Variants in MACROD1 observed in about 807,000 individuals in gnomAD.
MACROD1 encodes the protein mono-ADP ribosylhydrolase 1.
MACROD1 carries 31 observed loss-of-function variants against 41.4 expected under a neutral mutation model. The observed-to-expected ratio is 0.75, with a 90% confidence interval of 0.56 to 1.01. The LOEUF (loss-of-function observed/expected upper bound fraction) is 1.01, where lower values mean the gene tolerates loss of function less well. Ranked by LOEUF, MACROD1 falls within the 50% of genes least tolerant of loss-of-function variation. MACROD1 has a pLI of 0.00. For missense variants in MACROD1, 473 were observed against 460.0 expected, an observed-to-expected ratio of 1.03 and a Z score of -0.26; for synonymous variants, 252 against 203.4, an observed-to-expected ratio of 1.24 and a Z score of -2.03.
chr11:64,147,869 A>G (rs1446320479), intron 3 of MACROD1, among the ~76,000 whole-genome samples: 1 of 151,344 alleles, frequency 6.6e-6, no homozygotes, highest in Non-Finnish European at 1.5e-5. Flanking sequence ...CAGCCTCCTG[A>G]GTAGCTGGGA....
In MACROD1 at chr11:64,041,053, CTG is replaced by C. The variant is rs1056412119; in HGVS notation, c.518-25774_518-25773del. Among the ~76,000 whole-genome samples, 11 of 151,912 alleles carry C rather than the reference CTG, an allele frequency of 7.2e-5. 1 individual carries two copies. Among genetic ancestry groups the C allele is most frequent in the South Asian group, 2.1e-4 (1 of 4,816 alleles). On this transcript the variant is annotated intron_variant, in intron 3 of 10. Coordinates refer to ENST00000255681, the MANE Select transcript of MACROD1 (RefSeq NM_014067.4). ...TACTTAATTAAAACTGGGATTAAAA[CTG>C]GGGTCACGGGGCGCTAGTCCTGGCC...
chr11:64,164,690 T>C (rs1416989359), intron 1 of MACROD1, among the ~76,000 whole-genome samples: 1 of 152,200 alleles, frequency 6.6e-6, no homozygotes, highest in East Asian at 1.9e-4. Flanking sequence ...CCATCTTCTC[T>C]TCACCCCTAA....
intron 3 of MACROD1, among the ~76,000 whole-genome samples, chr11:64,112,035 C>T (rs953453184): frequency 6.6e-6 from 1 of 152,202 alleles, no homozygotes; most frequent in African/African-American, 2.4e-5. Context: ...ATCCAGACCC[C>T]ACCTCCTTCT....
chr11:64,030,110 C>T (rs1038827823), intron 3 of MACROD1, among the ~76,000 whole-genome samples: 4 of 151,996 alleles, frequency 2.6e-5, no homozygotes, highest in East Asian at 3.9e-4. Context: ...CCCTCTCTGG[C>T]GTCTGTCTCC....
chr11:64,117,520 G>A lies in MACROD1; in HGVS notation c.517+33719C>T, dbSNP rs769032516. 1.2e-6 allele frequency: 2 copies of A among 1,605,648 alleles called. No homozygotes were observed. The highest frequency in any genetic ancestry group is 1.7e-6 in the Non-Finnish European group (2 of 1,174,460). On this transcript the variant is annotated intron_variant, in intron 3 of 10. Transcript: ENST00000255681. ...TTTACCCTCAAGGCCAAAAGGCCAG[G>A]GCTGCGCCTCCCCGACTCCAACATT...
At chr11:64,038,627 C>A (rs904961468) in intron 3 of MACROD1, among the ~76,000 whole-genome samples, 3 of 152,180 alleles carry the variant, frequency 2.0e-5, no homozygotes, top group Admixed American at 1.3e-4. Context: ...TAGCAGCCCC[C>A]TCCCCAGCCA....
intron 3 of MACROD1, among the ~76,000 whole-genome samples, chr11:64,076,011 G>C (rs1423578667): frequency 6.6e-6 from 1 of 152,170 alleles, no homozygotes; most frequent in African/African-American, 2.4e-5. Flanking sequence ...CCTCAGGCTG[G>C]GGTGAAGGAA....
chr11:64,165,275 T>C (rs1945821467), intron 1 of MACROD1, among the ~76,000 whole-genome samples: 1 of 152,196 alleles, frequency 6.6e-6, no homozygotes, highest in Non-Finnish European at 1.5e-5. Flanking sequence ...GTGCAAAGTT[T>C]GGAGAGTCCG....
chr11:64,137,004 T>C (rs1339074678), intron 3 of MACROD1, among the ~76,000 whole-genome samples: 1 of 152,252 alleles, frequency 6.6e-6, no homozygotes, highest in African/African-American at 2.4e-5. Flanking sequence ...TGCAGCCGCC[T>C]GTGTGATTCC....
chr11:64,038,451 A>G (rs1043810669), intron 3 of MACROD1, among the ~76,000 whole-genome samples: 5 of 152,186 alleles, frequency 3.3e-5, no homozygotes, highest in Admixed American at 2.0e-4. Context: ...TGAGAGGACT[A>G]GGGCTCCAGG....
intron 3 of MACROD1, among the ~76,000 whole-genome samples, chr11:64,100,887 G>C (rs17158803): frequency 1.3e-5 from 2 of 152,122 alleles, no homozygotes; most frequent in African/African-American, 4.8e-5. Context: ...AGGGAAGGTG[G>C]ACTGAGGACA....
At chr11:64,124,094 T>C (rs1945140424) in intron 3 of MACROD1, among the ~76,000 whole-genome samples, 1 of 152,218 alleles carries the variant, frequency 6.6e-6, no homozygotes. Flanking sequence ...CAGACCATCC[T>C]GCCCCACCAA....
At chr11:64,001,315 AG>A in intron 4 of MACROD1, 1 of 644,782 alleles carries the variant, frequency 1.6e-6, no homozygotes, top group South Asian at 1.8e-5. Flanking sequence ...CCTCCCACAG[AG>A]GAAAACGCCG....
chr11:64,031,156 G>A (rs1489544485), intron 3 of MACROD1, among the ~76,000 whole-genome samples: 1 of 152,134 alleles, frequency 6.6e-6, no homozygotes, highest in Non-Finnish European at 1.5e-5. Flanking sequence ...CCAGTGGCCT[G>A]GTCTGACCTG....
intron 3 of MACROD1, among the ~76,000 whole-genome samples, chr11:64,092,031 T>C (rs1944500038): frequency 6.6e-6 from 1 of 152,170 alleles, no homozygotes; most frequent in African/African-American, 2.4e-5. Flanking sequence ...TCTCAGCTCC[T>C]GAGGGTCCCA....
intron 3 of MACROD1, among the ~76,000 whole-genome samples, chr11:64,050,168 C>T (rs1268850269): frequency 6.6e-6 from 1 of 152,082 alleles, no homozygotes; most frequent in Non-Finnish European, 1.5e-5. Flanking sequence ...GCCACTCCCA[C>T]CTCTCCCTCC....
intron 6 of MACROD1, 38 bp from the exon 7 acceptor site, chr11:63,999,598 C>A (rs1219458273): frequency 6.2e-7 from 1 of 1,609,640 alleles, no homozygotes; most frequent in Non-Finnish European, 8.5e-7. Context: ...GGAACATTGT[C>A]ACTGCGCCCC....
At chr11:64,015,367 G>T in intron 3 of MACROD1, 86 bp from the exon 4 acceptor site, 1 of 1,340,652 alleles carries the variant, frequency 7.5e-7, no homozygotes, top group Non-Finnish European at 1.0e-6. Flanking sequence ...ATGTCAAGAT[G>T]GGAGTGGGCT....
At chr11:64,017,217 C>T (rs573032403) in intron 3 of MACROD1, among the ~76,000 whole-genome samples, 4 of 152,142 alleles carry the variant, frequency 2.6e-5, no homozygotes, top group Non-Finnish European at 5.9e-5. Context: ...GTGATCCACC[C>T]GCCACGGCCT....
Sources: gnomAD v4.1 joint callset for allele counts (sites outside exome capture counted in the v4.1 genomes callset) on GRCh38, gnomAD v4.1.1 for gene constraint, MANE v1.5 for transcripts, NCBI Gene and HGNC (gene_info 2026-07-23, HGNC 2026-07-21) for gene names.